RGS22: variants seen among roughly 807,000 people sequenced by gnomAD.
The protein encoded by RGS22 is regulator of G-protein signaling 22.
RGS22 carries 148 observed loss-of-function variants against 172.9 expected under a neutral mutation model. That is an observed-to-expected ratio of 0.86 (90% CI 0.75 to 0.98). The LOEUF (loss-of-function observed/expected upper bound fraction) is 0.98. Among genes scored for constraint, RGS22 ranks in the 50% least tolerant of loss-of-function variants. The pLI is 0.00. For synonymous variants in RGS22, 458 were observed against 480.2 expected (o/e 0.95, Z 0.60); for missense variants, 1,347 against 1,440.8 (o/e 0.93, Z 1.05).
At chr8:100,050,237 T>C (rs1384564126) in intron 10 of RGS22, among the ~76,000 whole-genome samples, 11 of 152,176 alleles carry the variant, frequency 7.2e-5, no homozygotes, top group Non-Finnish European at 1.6e-4. Flanking sequence ...ATGAATCACC[T>C]GAGAATCTTA....
In RGS22 at chr8:100,002,364, G is replaced by A. The variant is rs779123629; in HGVS notation, c.2628C>T (p.Ser876=). The A allele has an allele frequency of 1.7e-5, 27 of 1,594,916 alleles. No homozygotes were observed. Among genetic ancestry groups the A allele is most frequent in the South Asian group, 3.4e-5 (3 of 86,978 alleles). The change falls in exon 18 of 28, where the codon AGC becomes AGT. Residue 876 remains serine (S), a splice_region_variant and synonymous_variant. Transcript: ENST00000360863. ...TGTCTGTCCAGCACATAAGATCCAT[G>A]CTAAAATGAAAACAAAAACAATGTA... ...FRQFLETHSS[S]MDLMCWTDIE... is the part of the protein sequence containing the mutation.
chr8:100,039,066 C>A, intron 13 of RGS22, 34 bp from the exon 14 acceptor site: 3 of 1,228,120 alleles, frequency 2.4e-6, no homozygotes, highest in Non-Finnish European at 2.4e-6. Flanking sequence ...ATTATTACCA[C>A]CCAATTATTA....
Position 100,041,803 on chromosome 8 carries a change from C to G in RGS22, c.1937G>C (p.Arg646Thr). 1 of 1,569,270 alleles carries G rather than the reference C, an allele frequency of 6.4e-7. No homozygotes were observed. Among genetic ancestry groups the G allele is most frequent in the East Asian group, 2.2e-5 (1 of 44,556 alleles). ...DRRYAYTEEPRVKTVSDVGAL... is the reference protein window; with the variant it reads ...DRRYAYTEEPTVKTVSDVGAL... Reference sequence around the variant, plus strand: ...TTATTCAGTCCTCAAAACACTCACCCTAGGTTCTTCTGTATAAGCGTATCT... The same window carrying G: ...TTATTCAGTCCTCAAAACACTCACCGTAGGTTCTTCTGTATAAGCGTATCT... The change falls in exon 12 of 28, where the codon AGG becomes ACG. Residue 646 changes from arginine to threonine, a missense_variant and splice_region_variant. Arg to Thr is a moderately conservative substitution (Grantham distance 71). Transcript: ENST00000360863.
At chr8:100,077,942 T>C (rs1437366463) in intron 4 of RGS22, among the ~76,000 whole-genome samples, 1 of 152,202 alleles carries the variant, frequency 6.6e-6, no homozygotes. Context: ...CTTGGTGAAT[T>C]GACCCTCCCC....
chr8:100,055,188 G>C (rs1775863755), intron 9 of RGS22, among the ~76,000 whole-genome samples: 1 of 152,208 alleles, frequency 6.6e-6, no homozygotes, highest in South Asian at 2.1e-4. Flanking sequence ...GGTTACAGCA[G>C]GGCTTGGGCA....
chr8:100,012,113 G>A (rs1450792338), intron 14 of RGS22, among the ~76,000 whole-genome samples: 1 of 151,244 alleles, frequency 6.6e-6, no homozygotes, highest in Non-Finnish European at 1.5e-5. Context: ...ATATATATAT[G>A]TAAAGACATT....
At position 100,071,850 on chromosome 8, in the gene RGS22, T is replaced by C. The variant is rs11990950; in HGVS notation, c.425+295A>G. 8.2e-3 allele frequency among the ~76,000 whole-genome samples: 1,253 copies of C among 152,350 alleles called. 21 individuals are homozygous for C. Among genetic ancestry groups the C allele is most frequent in the African/African-American group, 0.029 (1,197 of 41,580 alleles). On this transcript the variant is annotated intron_variant, in intron 5 of 27. Coordinates refer to ENST00000360863, the MANE Select transcript of RGS22 (RefSeq NM_015668.5). ...GCATTCTATGTTTTTCGCGTCACACTAGTATTCATTGTTAAACGCCCTGCA... is the reference window on the plus strand; with the variant it reads ...GCATTCTATGTTTTTCGCGTCACACCAGTATTCATTGTTAAACGCCCTGCA...
In RGS22 at chr8:99,997,369, C is replaced by T. The variant is rs1434224505; in HGVS notation, c.2950-839G>A. 2.0e-5 allele frequency among the ~76,000 whole-genome samples: 3 copies of T among 152,268 alleles called. No homozygotes were observed. The East Asian group carries it at 5.8e-4, about 29-fold the overall frequency. On this transcript the variant is annotated intron_variant, in intron 19 of 27. Transcript: ENST00000360863. The stretch of plus-strand genomic sequence containing the variant: ...TAAATAATATTAGCAAGCCAAATGT[C>T]CTTTTACTTGACTTTGGATAGAGAA...
rs147279659 is a variant in RGS22 at position 100,092,458 on chromosome 8, T to C, written c.117+989A>G. 4.6e-5 allele frequency among the ~76,000 whole-genome samples: 7 copies of C among 152,340 alleles called. No homozygotes were observed. In the East Asian group the frequency reaches 1.3e-3, roughly 29 times the overall value. ...GGCCTAAAAAGAAGTGATTAGGTCATGAGGGCTCTGCTCTCCTGAATGGAT... is the reference window on the plus strand; with the variant it reads ...GGCCTAAAAAGAAGTGATTAGGTCACGAGGGCTCTGCTCTCCTGAATGGAT... On this transcript the variant is annotated intron_variant, in intron 3 of 27. Transcript: ENST00000360863.
rs2132085399 is a variant in RGS22 at position 100,105,404 on chromosome 8, T to C, written c.26-2A>G. 6.2e-7 allele frequency: 1 copy of C among 1,606,836 alleles called. No homozygotes were observed. Among genetic ancestry groups the C allele is most frequent in the South Asian group, 1.1e-5 (1 of 90,610 alleles). ...CTTCTTCTGTAATAGTTGGTGGCTC[T>C]GAAACAAGACAAAATATTACATTAT... On this transcript the variant is annotated splice_acceptor_variant, in intron 1 of 27. Transcript: ENST00000360863. LOFTEE classifies it high-confidence loss of function.
At chr8:100,051,095 G>A (rs1190900790) in intron 10 of RGS22, among the ~76,000 whole-genome samples, 1 of 151,590 alleles carries the variant, frequency 6.6e-6, no homozygotes, top group Non-Finnish European at 1.5e-5. Context: ...TGATTAAGTG[G>A]CACTTGAGCA....
intron 18 of RGS22, 57 bp downstream of exon 18, chr8:100,002,145 G>T: frequency 7.4e-7 from 1 of 1,360,408 alleles, no homozygotes; most frequent in Non-Finnish European, 9.9e-7. Flanking sequence ...GGCAAAAATA[G>T]AAATAAAATA....
In RGS22 at chr8:99,985,808, T is replaced by C. The variant is rs1163480963; in HGVS notation, c.3180+1650A>G. ...TCACTGTGTATAAGTCTATAGTTGGTTTTTAAAATACCTATTTTACAAAGT... is the reference window on the plus strand; with the variant it reads ...TCACTGTGTATAAGTCTATAGTTGGCTTTTAAAATACCTATTTTACAAAGT... On this transcript the variant is annotated intron_variant, in intron 21 of 27. Coordinates refer to ENST00000360863, the MANE Select transcript of RGS22 (RefSeq NM_015668.5). Among the ~76,000 whole-genome samples the C allele has an allele frequency of 2.0e-5, 3 of 152,134 alleles. No homozygotes were observed. The East Asian group carries it at 5.8e-4, about 29-fold the overall frequency.
At chr8:100,024,837 A>C (rs1288112193) in intron 14 of RGS22, among the ~76,000 whole-genome samples, 1 of 152,150 alleles carries the variant, frequency 6.6e-6, no homozygotes, top group Non-Finnish European at 1.5e-5. Context: ...TAAGGATACC[A>C]ATCTACCTCT....
intron 14 of RGS22, among the ~76,000 whole-genome samples, chr8:100,009,987 T>A (rs577772697): frequency 2.4e-4 from 36 of 152,346 alleles, no homozygotes; most frequent in African/African-American, 7.0e-4. Context: ...GAGAGGTATG[T>A]ATTATAAATA....
At position 100,060,982 on chromosome 8, in the gene RGS22, C is replaced by T. The variant is rs113400660; in HGVS notation, c.1514+1609G>A. The stretch of plus-strand genomic sequence containing the variant: ...TACAATAACAGACACACAGACCAAT[C>T]AAACAATAGAGAATGCAGAAATAAG... On this transcript the variant is annotated intron_variant, in intron 9 of 27. Coordinates refer to ENST00000360863, the MANE Select transcript of RGS22 (RefSeq NM_015668.5). Among the ~76,000 whole-genome samples, 816 of 152,004 alleles carry T rather than the reference C, an allele frequency of 5.4e-3. 6 individuals carry two copies. The highest frequency in any genetic ancestry group is 0.018 in the African/African-American group (747 of 41,506).
intron 7 of RGS22, among the ~76,000 whole-genome samples, chr8:100,065,846 A>G (rs557421860): frequency 4.6e-5 from 7 of 152,288 alleles, no homozygotes; most frequent in Admixed American, 1.3e-4. Context: ...CATATTAGGT[A>G]CCAAGCACCA....
At position 99,962,390 on chromosome 8, in the gene RGS22, G is replaced by T. The variant is rs757352832; in HGVS notation, c.*45+4C>A. ...GACCAACCAACATTCAGACTATGAC[G>T]TACCTTGAACCTATCAGCAGCAGGA... On this transcript the variant is annotated splice_donor_region_variant and intron_variant, in intron 27 of 27. Coordinates refer to ENST00000360863, the MANE Select transcript of RGS22 (RefSeq NM_015668.5). The T allele has an allele frequency of 1.9e-6, 3 of 1,601,676 alleles. No individual in the cohort carries two copies. The highest frequency in any genetic ancestry group is 4.5e-5 in the East Asian group (2 of 44,824).
intron 3 of RGS22, among the ~76,000 whole-genome samples, chr8:100,089,510 C>T (rs958488104): frequency 3.3e-5 from 5 of 152,224 alleles, no homozygotes; most frequent in South Asian, 2.1e-4. Flanking sequence ...AGGTTAAACA[C>T]CAAACTTCTT....
Sources: gnomAD v4.1 joint callset for allele counts (sites outside exome capture counted in the v4.1 genomes callset) on GRCh38, gnomAD v4.1.1 for gene constraint, MANE v1.5 for transcripts, NCBI Gene and HGNC (gene_info 2026-07-23, HGNC 2026-07-21) for gene names.